VNN1: variants seen among roughly 807,000 people sequenced by gnomAD.
The protein encoded by VNN1 is vanin 1.
Under a neutral mutation model 41.9 loss-of-function variants are expected in VNN1, and 29 were observed. That is an observed-to-expected ratio of 0.69 (90% CI 0.52 to 0.94). VNN1 has a LOEUF of 0.94. VNN1 is among the 40% of genes least tolerant of loss of function. VNN1 has a pLI of 0.00. For synonymous variants in VNN1, 233 were observed against 224.4 expected (o/e 1.04, Z -0.34); for missense variants, 637 against 621.1 (o/e 1.03, Z -0.27).
At chr6:132,707,533 G>C (rs1449095432) in intron 2 of VNN1, among the ~76,000 whole-genome samples, 1 of 152,098 alleles carries the variant, frequency 6.6e-6, no homozygotes, top group Non-Finnish European at 1.5e-5. Context: ...CCAAAATTTG[G>C]AAACAACCGT....
chr6:132,683,316 T>C lies in VNN1; in HGVS notation c.1366A>G (p.Thr456Ala), dbSNP rs1346616849. 1.2e-6 allele frequency: 2 copies of C among 1,612,076 alleles called. No homozygotes were observed. The highest frequency in any genetic ancestry group is 4.5e-5 in the East Asian group (2 of 44,822). Residue 456 changes from threonine to alanine, a missense_variant, in exon 7 of 7, where the codon ACT becomes GCT. Coordinates refer to ENST00000367928, the MANE Select transcript of VNN1 (RefSeq NM_004666.3). ...QLAPGEFQVS[T>A]DGRLFSLKPT... is the part of the protein sequence containing the mutation. ...TTCAGACTAAACAAGCGTCCGTCAG[T>C]TGACACCTGATTAAAACAAAAAAGT...
rs186910323 is a variant in VNN1, at chr6:132,685,819, T to G, written c.1189-1314A>C. On this transcript the variant is annotated intron_variant, in intron 5 of 6. Coordinates refer to ENST00000367928, the MANE Select transcript of VNN1 (RefSeq NM_004666.3). ...AACCAGATAACTGATCCTCCCCTAC[T>G]CCAGTAAATAACGGAGAATGTTTCC... 2.3e-3 allele frequency among the ~76,000 whole-genome samples: 348 copies of G among 152,248 alleles called. 2 individuals are homozygous for G. Among genetic ancestry groups the G allele is most frequent in the Non-Finnish European group, 4.2e-3 (284 of 68,016 alleles).
chr6:132,713,812 G>T lies in VNN1; in HGVS notation c.210+14C>A, dbSNP rs1365051256. The T allele has an allele frequency of 6.2e-7, 1 of 1,611,894 alleles. No individual in the cohort carries two copies. Among genetic ancestry groups the T allele is most frequent in the Non-Finnish European group, 8.5e-7 (1 of 1,179,802 alleles). On this transcript the variant is annotated intron_variant, in intron 1 of 6. Coordinates refer to ENST00000367928, the MANE Select transcript of VNN1 (RefSeq NM_004666.3). ...ATAGAATCCAGTACACTGGAGAGAT[G>T]GTAGAGATGGTACCTGATCTGCTGC...
At chr6:132,713,556 G>C (rs925602626) in intron 1 of VNN1, among the ~76,000 whole-genome samples, 18 of 152,226 alleles carry the variant, frequency 1.2e-4, no homozygotes, top group African/African-American at 4.3e-4. Context: ...GGGGAACAAA[G>C]ATGTTGAATT....
intron 1 of VNN1, among the ~76,000 whole-genome samples, chr6:132,712,946 G>A (rs1056825434): frequency 6.6e-6 from 1 of 152,090 alleles, no homozygotes; most frequent in East Asian, 1.9e-4. Flanking sequence ...TACAGCGTGG[G>A]CAACATGGCA....
intron 2 of VNN1, among the ~76,000 whole-genome samples, chr6:132,702,833 T>C (rs1778467736): frequency 6.6e-6 from 1 of 152,212 alleles, no homozygotes; most frequent in African/African-American, 2.4e-5. Flanking sequence ...ACCTGCTAAC[T>C]AAAGAGCCCT....
intron 2 of VNN1, among the ~76,000 whole-genome samples, chr6:132,704,640 T>C (rs995566293): frequency 1.3e-5 from 2 of 152,044 alleles, no homozygotes; most frequent in East Asian, 3.9e-4. Flanking sequence ...CCTAATGATA[T>C]ATTTTTTTAA....
intron 2 of VNN1, among the ~76,000 whole-genome samples, chr6:132,708,603 A>T (rs1490220987): frequency 2.0e-5 from 3 of 152,212 alleles, no homozygotes; most frequent in Admixed American, 6.5e-5. Flanking sequence ...GCAGGGAAGG[A>T]TATTGAGTCC....
rs757283140 is a variant in VNN1 at position 132,711,708 on chromosome 6, C to T, written c.341+1G>A. Reference sequence around the variant, plus strand: ...GAATTTTTCACAAGTTGTTTCTTTACCTGTTACGATTATTACAGGGGATCC... The same window carrying T: ...GAATTTTTCACAAGTTGTTTCTTTATCTGTTACGATTATTACAGGGGATCC... On this transcript the variant is annotated splice_donor_variant, in intron 2 of 6. Transcript: ENST00000367928. LOFTEE classifies it high-confidence loss of function. The T allele has an allele frequency of 1.8e-5, 29 of 1,607,486 alleles. No individual in the cohort carries two copies. The Admixed American group carries it at 4.3e-4, about 24-fold the overall frequency.
Position 132,684,471 on chromosome 6 carries a change from A to G in VNN1, c.1223T>C (p.Leu408Ser). 6.2e-7 allele frequency: 1 copy of G among 1,614,124 alleles called. No individual in the cohort carries two copies. Among genetic ancestry groups the G allele is most frequent in the South Asian group, 1.1e-5 (1 of 91,076 alleles). The change falls in exon 6 of 7, where the codon TTA becomes TCA. Residue 408 changes from leucine (L) to serine (S), a missense_variant. Coordinates refer to ENST00000367928, the MANE Select transcript of VNN1 (RefSeq NM_004666.3). Reference protein sequence around the residue: ...CTLLKCKTTNLNTCGDSAETA... With the variant: ...CTLLKCKTTNSNTCGDSAETA... Reference sequence around the variant, plus strand: ...TTCAGCTGAGTCACCGCAAGTGTTTAAATTAGTCGTTTTACATTTCAACAG... The same window carrying G: ...TTCAGCTGAGTCACCGCAAGTGTTTGAATTAGTCGTTTTACATTTCAACAG...
intron 2 of VNN1, among the ~76,000 whole-genome samples, chr6:132,701,622 A>G (rs990500): frequency 0.47 from 70,875 of 152,096 alleles, 18,583 homozygotes; most frequent in African/African-American, 0.71. Flanking sequence ...ACCTTCCAGC[A>G]ATTGTCTTCC....
At chr6:132,697,658 T>C (rs1778392574) in intron 2 of VNN1, among the ~76,000 whole-genome samples, 1 of 151,508 alleles carries the variant, frequency 6.6e-6, no homozygotes, top group Admixed American at 6.6e-5. Flanking sequence ...CATCAAATAT[T>C]GGCTACTAGA....
chr6:132,711,732 CCA>C lies in VNN1; in HGVS notation c.316_317del (p.Trp106AspfsTer4). 5 of 1,613,276 alleles carry C rather than the reference CCA, an allele frequency of 3.1e-6. No homozygotes were observed. The highest frequency in any genetic ancestry group is 3.4e-6 in the Non-Finnish European group (4 of 1,179,632). On this transcript the variant is annotated frameshift_variant, in exon 2 of 7. Coordinates refer to ENST00000367928, the MANE Select transcript of VNN1 (RefSeq NM_004666.3). LOFTEE classifies it high-confidence loss of function. ...ACCTGTTACGATTATTACAGGGGAT[CCA>C]GTTTACTTCAGGGTCTGGGATGTCC... ...LEDIPDPEVNWIPCNNRNRFG... is the reference protein window; with the variant it reads ...LEDIPDPEVNXIPCNNRNRFG...
chr6:132,711,648 G>A lies in VNN1; in HGVS notation c.341+61C>T, dbSNP rs1778601263. ...GATCTATGCAATGATCATCAACAAAGTTTTCCCAGGTAAATCAAGTTGATG... is the reference window on the plus strand; with the variant it reads ...GATCTATGCAATGATCATCAACAAAATTTTCCCAGGTAAATCAAGTTGATG... On this transcript the variant is annotated intron_variant, in intron 2 of 6. Transcript: ENST00000367928. The A allele has an allele frequency of 3.2e-6, 5 of 1,570,780 alleles. No individual in the cohort carries two copies. In the Admixed American group the frequency reaches 7.2e-5, roughly 22 times the overall value.
At chr6:132,685,027 G>A (rs920088728) in intron 5 of VNN1, among the ~76,000 whole-genome samples, 6 of 152,166 alleles carry the variant, frequency 3.9e-5, no homozygotes, top group East Asian at 3.8e-4. Flanking sequence ...GTGTTTAAAG[G>A]TTTAATTTAG....
chr6:132,705,791 T>C (rs1422920750), intron 2 of VNN1, among the ~76,000 whole-genome samples: 2 of 152,068 alleles, frequency 1.3e-5, no homozygotes, highest in African/African-American at 4.8e-5. Flanking sequence ...AAAAAACTAA[T>C]AGAACTGACA....
chr6:132,685,764 A>C (rs1465108922), intron 5 of VNN1, among the ~76,000 whole-genome samples: 2 of 152,226 alleles, frequency 1.3e-5, no homozygotes, highest in East Asian at 3.8e-4. Flanking sequence ...AAAGTTGTGA[A>C]GGATGCCTTG....
intron 4 of VNN1, among the ~76,000 whole-genome samples, 194 bp from the exon 5 acceptor site, chr6:132,692,778 A>C (rs915584136): frequency 2.0e-5 from 3 of 152,194 alleles, no homozygotes; most frequent in Non-Finnish European, 4.4e-5. Flanking sequence ...CAAGAAGCCA[A>C]GAAGGGAGAG....
At chr6:132,703,886 A>T (rs1778482438) in intron 2 of VNN1, among the ~76,000 whole-genome samples, 1 of 152,232 alleles carries the variant, frequency 6.6e-6, no homozygotes, top group Non-Finnish European at 1.5e-5. Flanking sequence ...GCAAATGGAA[A>T]ACAAAAGGAG....
Sources: allele counts gnomAD v4.1 joint callset (sites outside exome capture counted in the v4.1 genomes callset), GRCh38; gene constraint gnomAD v4.1.1; transcripts MANE v1.5; gene names NCBI Gene and HGNC (gene_info 2026-07-23, HGNC 2026-07-21).